DIAPH1: variants seen among roughly 807,000 people sequenced by gnomAD.
The protein encoded by DIAPH1 is protein diaphanous homolog 1.
A neutral mutation model predicts 140.7 loss-of-function variants in DIAPH1; 46 were observed. The observed-to-expected ratio is 0.33, with a 90% CI of 0.26 to 0.42. The LOEUF (loss-of-function observed/expected upper bound fraction) is 0.42, where lower values mean the gene tolerates loss of function less well. Ranked by LOEUF, DIAPH1 falls within the 10% of genes least tolerant of loss-of-function variation. The probability of loss-of-function intolerance (pLI) is 1.00; values close to 1 mark genes in which losing one functional copy is unlikely to be tolerated. For synonymous variants in DIAPH1, 565 were observed against 551.6 expected, an observed-to-expected ratio of 1.02 and a Z score of -0.34; for missense variants, 1,310 against 1,558.7, an observed-to-expected ratio of 0.84 and a Z score of 2.69.
At chr5:141,534,505 C>T in intron 18 of DIAPH1, 72 bp from the exon 19 acceptor site, 1 of 1,229,464 alleles carries the variant, frequency 8.1e-7, no homozygotes, top group Non-Finnish European at 1.2e-6. Context: ...CAACTACTGT[C>T]CAGCGTGAAA....
At position 141,576,865 on chromosome 5, in the gene DIAPH1, C is replaced by T. The variant is rs748159908; in HGVS notation, c.1287G>A (p.Gln429=). 1.3e-6 allele frequency: 2 copies of T among 1,579,062 alleles called. No individual in the cohort carries two copies. The highest frequency in any genetic ancestry group is 4.5e-5 in the East Asian group (2 of 44,676). Residue 429 remains glutamine, a synonymous_variant, in exon 13 of 28, where the codon CAG becomes CAA. Coordinates refer to ENST00000389054, the MANE Select transcript of DIAPH1 (RefSeq NM_005219.5). ...LVRNDYEARP[Q]YYKLIEECIS... ...TACATTCTTCAATCAACTTATAGTA[C>T]TGAGGTCTACAAGAGAATAAAAACA...
chr5:141,537,412 G>A (rs1157507872), intron 18 of DIAPH1, among the ~76,000 whole-genome samples: 1 of 149,112 alleles, frequency 6.7e-6, no homozygotes, highest in Non-Finnish European at 1.5e-5. Flanking sequence ...GAACCTGGGA[G>A]GCAGAGGTTG....
chr5:141,525,909 G>A (rs957109199), intron 26 of DIAPH1, 129 bp downstream of exon 26: 50 of 1,440,712 alleles, frequency 3.5e-5, no homozygotes, highest in African/African-American at 1.4e-4. Flanking sequence ...TCAGGATCTC[G>A]GAGTGAAGAC....
intron 1 of DIAPH1, chr5:141,618,522 G>A: frequency 2.9e-6 from 1 of 348,524 alleles, no homozygotes. Context: ...GGGGCTGAGA[G>A]CCGGCCGGGG....
chr5:141,573,358 C>T, intron 16 of DIAPH1, 134 bp downstream of exon 16: 2 of 1,106,466 alleles, frequency 1.8e-6, no homozygotes, highest in Non-Finnish European at 2.6e-6. Context: ...TGGCGTGAAC[C>T]CGGGAGGCGG....
At chr5:141,595,817 T>C (rs991685430) in intron 1 of DIAPH1, among the ~76,000 whole-genome samples, 13 of 152,174 alleles carry the variant, frequency 8.5e-5, no homozygotes, top group African/African-American at 2.9e-4. Context: ...GGCAGCGATA[T>C]ATTGGAAATC....
Position 141,540,306 on chromosome 5 carries a change from G to A in DIAPH1, c.2483-5873C>T, listed in dbSNP as rs185054407. The stretch of plus-strand genomic sequence containing the variant: ...TGGCTAATTTTTTTTTTTTTTAGAC[G>A]GAGTCTCGCTATATCGCCCAGGCTA... On this transcript the variant is annotated intron_variant, in intron 18 of 27. Coordinates refer to ENST00000389054, the MANE Select transcript of DIAPH1 (RefSeq NM_005219.5). Among the ~76,000 whole-genome samples, 377 of 150,828 alleles carry A rather than the reference G, an allele frequency of 2.5e-3. 1 individual carries two copies. The highest frequency in any genetic ancestry group is 8.7e-3 in the African/African-American group (357 of 41,086).
rs1562282681 is a variant in DIAPH1 at position 141,526,704 on chromosome 5, G to GTTTGTGTTTTT, written c.3274-244_3274-243insAAAAACACAAA. Among the ~76,000 whole-genome samples the GTTTGTGTTTTT allele has an allele frequency of 1.8e-3, 281 of 152,100 alleles. 1 individual carries two copies. Among genetic ancestry groups the GTTTGTGTTTTT allele is most frequent in the African/African-American group, 6.3e-3 (262 of 41,508 alleles). On this transcript the variant is annotated intron_variant, in intron 24 of 27. Coordinates refer to ENST00000389054, the MANE Select transcript of DIAPH1 (RefSeq NM_005219.5). Reference sequence around the variant, plus strand: ...AACTGTTGTTTGTTTGTTTGTTTGTGTTTGTTTGTTTGAGACAGGGTTTTG... The same window carrying GTTTGTGTTTTT: ...AACTGTTGTTTGTTTGTTTGTTTGTGTTTGTGTTTTTTTTGTTTGTTTGAGACAGGGTTTTG...
intron 1 of DIAPH1, among the ~76,000 whole-genome samples, chr5:141,604,963 G>A (rs998489777): frequency 6.6e-6 from 1 of 152,052 alleles, no homozygotes; most frequent in African/African-American, 2.4e-5. Flanking sequence ...AGGTTGTTCT[G>A]ATACTTCTAG....
chr5:141,541,413 C>T (rs2099889940), intron 18 of DIAPH1, among the ~76,000 whole-genome samples: 1 of 151,984 alleles, frequency 6.6e-6, no homozygotes. Flanking sequence ...AAGGGCTGTG[C>T]ACAGTGGCTC....
intron 18 of DIAPH1, among the ~76,000 whole-genome samples, chr5:141,568,409 GT>G (rs2099894691): frequency 6.6e-6 from 1 of 152,116 alleles, no homozygotes; most frequent in South Asian, 2.1e-4. Flanking sequence ...AGGACCAGAA[GT>G]TTTATGGCAC....
intron 18 of DIAPH1, among the ~76,000 whole-genome samples, chr5:141,568,290 C>CAA (rs77400407): frequency 3.1e-4 from 26 of 84,760 alleles, no homozygotes; most frequent in Non-Finnish European, 5.5e-4. Context: ...GAAAATGAAA[C>CAA]AAAAAAAAAA....
intron 1 of DIAPH1, among the ~76,000 whole-genome samples, chr5:141,598,738 C>T (rs1318195908): frequency 6.6e-6 from 1 of 152,074 alleles, no homozygotes; most frequent in Non-Finnish European, 1.5e-5. Context: ...GTATTTATTC[C>T]CTGTAAGGTC....
intron 7 of DIAPH1, 127 bp from the exon 8 acceptor site, chr5:141,581,010 G>T: frequency 9.5e-7 from 1 of 1,056,888 alleles, no homozygotes; most frequent in Non-Finnish European, 1.4e-6. Context: ...CCAACCCCCA[G>T]TACCTCAAAA....
At position 141,574,006 on chromosome 5, in the gene DIAPH1, G is replaced by A. The variant is rs866989994; in HGVS notation, c.1844C>T (p.Pro615Leu). The A allele has an allele frequency of 1.3e-6, 2 of 1,551,242 alleles. No individual in the cohort carries two copies. Among genetic ancestry groups the A allele is most frequent in the East Asian group, 4.9e-5 (2 of 41,072 alleles). ...STTPPPPPPPPPPPPPLPGGV... is the reference protein window; with the variant it reads ...STTPPPPPPPLPPPPPLPGGV... ...CCCAGGCAAAGGAGGTGGAGGAGGA[G>A]GAGGAGGAGGAGGAGGAGGAGGAGT... is the stretch of plus-strand genomic sequence containing the variant. Residue 615 changes from proline to leucine, a missense_variant, in exon 16 of 28, where the codon CCT becomes CTT. Physicochemically the swap from Pro to Leu is moderately conservative, Grantham distance 98. Coordinates refer to ENST00000389054, the MANE Select transcript of DIAPH1 (RefSeq NM_005219.5).
chr5:141,530,489 G>A (rs1170689392), intron 19 of DIAPH1, among the ~76,000 whole-genome samples: 1 of 152,066 alleles, frequency 6.6e-6, no homozygotes, highest in Non-Finnish European at 1.5e-5. Context: ...AGGCTGATGC[G>A]GACTGGAGTC....
rs2099885473 is a variant in DIAPH1 at position 141,515,095 on chromosome 5, G to A, written c.*1756C>T. 1.3e-5 allele frequency: 2 copies of A among 152,638 alleles called. No individual in the cohort carries two copies. Among genetic ancestry groups the A allele is most frequent in the African/African-American group, 4.8e-5 (2 of 41,446 alleles). 9.5% of individuals were successfully genotyped at this position (152,638 alleles called of 1,614,324 possible). On this transcript the variant is annotated 3_prime_UTR_variant, in exon 28 of 28. Coordinates refer to ENST00000389054, the MANE Select transcript of DIAPH1 (RefSeq NM_005219.5). Reference sequence around the variant, plus strand: ...AGGTGATGACATCCCAGAAGCCTATGAGGCAAGGGAAATAGGTTTGCATTT... The same window carrying A: ...AGGTGATGACATCCCAGAAGCCTATAAGGCAAGGGAAATAGGTTTGCATTT...
At chr5:141,523,566 A>G (rs142814020) in intron 27 of DIAPH1, among the ~76,000 whole-genome samples, 168 of 152,228 alleles carry the variant, frequency 1.1e-3, no homozygotes, top group African/African-American at 4.0e-3. Context: ...AGTGATGGGG[A>G]AGGCAAGGGC....
chr5:141,561,259 G>GA (rs1449384413), intron 18 of DIAPH1, among the ~76,000 whole-genome samples: 1 of 152,106 alleles, frequency 6.6e-6, no homozygotes, highest in Non-Finnish European at 1.5e-5. Flanking sequence ...GGATCAGGAG[G>GA]AAAGAATGGT....
Sources: allele counts gnomAD v4.1 joint callset (sites outside exome capture counted in the v4.1 genomes callset), GRCh38; gene constraint gnomAD v4.1.1; transcripts MANE v1.5; gene names NCBI Gene and HGNC (gene_info 2026-07-23, HGNC 2026-07-21).